Variants in GRIP1 observed in about 807,000 individuals in gnomAD.
GRIP1 encodes the protein glutamate receptor interacting protein 1.
In GRIP1, 45 loss-of-function variants were observed where a neutral mutation model predicts 129.9. The ratio of observed to expected loss-of-function variants is 0.35; its 90% CI spans 0.27 to 0.44. GRIP1 has a LOEUF of 0.44. Among genes scored for constraint, GRIP1 ranks in the 20% least tolerant of loss-of-function variants. The pLI is 1.00. For synonymous variants in GRIP1, 530 were observed against 520.8 expected, an observed-to-expected ratio of 1.02 and a Z score of -0.24; for missense variants, 1,196 against 1,396.8, an observed-to-expected ratio of 0.86 and a Z score of 2.29.
intron 22 of GRIP1, among the ~76,000 whole-genome samples, chr12:66,374,954 G>A (rs1469823837): frequency 6.6e-6 from 1 of 152,044 alleles, no homozygotes; most frequent in Admixed American, 6.6e-5. Context: ...ATTTGCTTTG[G>A]TCTCAAGAGT....
chr12:66,835,155 T>C (rs2039590834), intron 1 of GRIP1, among the ~76,000 whole-genome samples: 1 of 151,736 alleles, frequency 6.6e-6, no homozygotes, highest in Non-Finnish European at 1.5e-5. Context: ...ACCAACCAAA[T>C]AAACAAACAA....
intron 1 of GRIP1, among the ~76,000 whole-genome samples, chr12:66,649,227 T>C (rs1333370810): frequency 6.6e-6 from 1 of 152,196 alleles, no homozygotes; most frequent in Non-Finnish European, 1.5e-5. Context: ...TTTAAAAAAG[T>C]ATTCATCCTA....
At chr12:66,768,214 T>C (rs2037706478) in intron 1 of GRIP1, among the ~76,000 whole-genome samples, 1 of 152,214 alleles carries the variant, frequency 6.6e-6, no homozygotes, top group African/African-American at 2.4e-5. Flanking sequence ...AGTAGGCATG[T>C]CTTCCACCAG....
intron 2 of GRIP1, among the ~76,000 whole-genome samples, chr12:66,574,594 A>G (rs558419493): frequency 6.6e-6 from 1 of 152,258 alleles, no homozygotes; most frequent in East Asian, 1.9e-4. Flanking sequence ...ATGACATCCT[A>G]ATTTGTTTGA....
chr12:66,652,945 A>C (rs866901005), intron 1 of GRIP1, among the ~76,000 whole-genome samples: 2 of 152,240 alleles, frequency 1.3e-5, no homozygotes, highest in African/African-American at 4.8e-5. Flanking sequence ...TAAGAATGCC[A>C]GTTGCTTTAC....
chr12:66,391,021 T>C (rs2056564358), intron 19 of GRIP1, among the ~76,000 whole-genome samples: 1 of 152,238 alleles, frequency 6.6e-6, no homozygotes, highest in South Asian at 2.1e-4. Context: ...CCTTTCATTT[T>C]TTTTTCCAGT....
chr12:66,355,435 A>G (rs887924518), intron 23 of GRIP1, among the ~76,000 whole-genome samples: 3 of 152,198 alleles, frequency 2.0e-5, no homozygotes, highest in African/African-American at 7.2e-5. Context: ...GGTGACAGAT[A>G]TAAAGTTTTC....
At chr12:66,921,094 T>C (rs1183095785) in intron 1 of GRIP1, among the ~76,000 whole-genome samples, 2 of 152,138 alleles carry the variant, frequency 1.3e-5, no homozygotes, top group Admixed American at 6.5e-5. Flanking sequence ...ACGTGAACCA[T>C]TGTTACCAGT....
At chr12:66,849,186 G>C (rs560639062) in intron 1 of GRIP1, among the ~76,000 whole-genome samples, 1 of 152,142 alleles carries the variant, frequency 6.6e-6, no homozygotes, top group South Asian at 2.1e-4. Context: ...TCATACCTCA[G>C]TGCTGGACTC....
intron 1 of GRIP1, among the ~76,000 whole-genome samples, chr12:66,698,792 A>G (rs1202443839): frequency 6.6e-6 from 1 of 152,104 alleles, no homozygotes; most frequent in Non-Finnish European, 1.5e-5. Flanking sequence ...GTCCTCTACC[A>G]ATGTTACCAT....
At chr12:66,845,902 T>C (rs1019904223) in intron 1 of GRIP1, among the ~76,000 whole-genome samples, 7 of 152,134 alleles carry the variant, frequency 4.6e-5, no homozygotes, top group African/African-American at 1.7e-4. Context: ...AATAATTTGG[T>C]GTCTAGGTAG....
At chr12:66,706,117 C>T (rs568385298) in intron 1 of GRIP1, among the ~76,000 whole-genome samples, 1 of 152,272 alleles carries the variant, frequency 6.6e-6, no homozygotes, top group East Asian at 1.9e-4. Flanking sequence ...AGTGAACAAG[C>T]AACCTACAGA....
chr12:66,517,057 G>C (rs1048763783), intron 6 of GRIP1, among the ~76,000 whole-genome samples: 53 of 151,960 alleles, frequency 3.5e-4, no homozygotes, highest in Non-Finnish European at 1.5e-4. Context: ...ATAAATAATG[G>C]TTATTATTAT....
intron 1 of GRIP1, among the ~76,000 whole-genome samples, chr12:66,637,621 C>T (rs781482050): frequency 3.3e-5 from 5 of 151,272 alleles, no homozygotes; most frequent in African/African-American, 7.3e-5. Flanking sequence ...TAATTAAGCT[C>T]GACTTAAAAA....
In GRIP1 at chr12:66,465,277, G is replaced by T; in HGVS notation, c.870C>A (p.Asp290Glu). Residue 290 changes from aspartate to glutamate, a missense_variant and splice_region_variant, in exon 8 of 25, where the codon GAC becomes GAA. Asp to Glu is a conservative substitution (Grantham distance 45). This residue lies in a region of GRIP1 where 508 missense variants were observed against 587.0 expected (regional missense o/e 0.87). Coordinates refer to ENST00000359742, the MANE Select transcript of GRIP1 (RefSeq NM_001366722.1). ...IDKIKSASIA[D>E]RCGALHVGDH... ...TAGGCACTTTCTACAATACTTACCT[G>T]TCTGCAATACTTGCAGATTTGATTT... 1 of 1,612,890 alleles carries T rather than the reference G, an allele frequency of 6.2e-7. No homozygotes were observed. The highest frequency in any genetic ancestry group is 8.5e-7 in the Non-Finnish European group (1 of 1,178,990).
chr12:67,043,265 T>C (rs1267085976), intron 1 of GRIP1, among the ~76,000 whole-genome samples: 3 of 152,192 alleles, frequency 2.0e-5, no homozygotes, highest in African/African-American at 7.2e-5. Flanking sequence ...AGAATTCTCT[T>C]CTGGAGCCTG....
At chr12:66,651,617 C>A (rs1427985344) in intron 1 of GRIP1, among the ~76,000 whole-genome samples, 2 of 152,064 alleles carry the variant, frequency 1.3e-5, no homozygotes, top group East Asian at 3.9e-4. Flanking sequence ...GGGAAAAGAG[C>A]AAACAAGCAC....
chr12:66,493,807 T>C (rs1227236587), intron 7 of GRIP1, among the ~76,000 whole-genome samples: 1 of 152,210 alleles, frequency 6.6e-6, no homozygotes, highest in Non-Finnish European at 1.5e-5. Context: ...GGATCACTCA[T>C]GATACCTTTA....
chr12:66,658,498 G>A (rs990157758), intron 1 of GRIP1, among the ~76,000 whole-genome samples: 6 of 152,012 alleles, frequency 3.9e-5, no homozygotes, highest in Middle Eastern at 3.4e-3. Context: ...GGAGAATGGC[G>A]TGAACCCGGG....
Sources: gnomAD v4.1 joint callset for allele counts (sites outside exome capture counted in the v4.1 genomes callset) on GRCh38, gnomAD v4.1.1 for gene constraint, gnomAD v4.1.1 regional missense constraint, MANE v1.5 for transcripts, NCBI Gene and HGNC (gene_info 2026-07-23, HGNC 2026-07-21) for gene names.